Variants in EP400 observed in about 807,000 individuals in gnomAD.
EP400 encodes E1A-binding protein p400.
EP400 carries 105 observed loss-of-function variants against 354.1 expected under a neutral mutation model. That is an observed-to-expected ratio of 0.30 (90% confidence interval 0.25 to 0.35). The LOEUF is 0.35. Among genes scored for constraint, EP400 ranks in the 10% least tolerant of loss-of-function variants. The pLI, the probability that EP400 is intolerant of heterozygous loss-of-function variation, is 1.00. For missense variants in EP400, 3,280 were observed against 4,121.0 expected (o/e 0.80, Z 5.59); for synonymous variants, 1,646 against 1,716.9 (o/e 0.96, Z 1.02).
In EP400 at chr12:132,025,565, G is replaced by T; in HGVS notation, c.4856-81G>T. On this transcript the variant is annotated intron_variant, in intron 24 of 52. Transcript: ENST00000389561. This position sits in a 1 kb window ranked among gnomAD's most constrained non-coding sequence, Gnocchi z 4.1. ...ATTTTCAGTTTGTCAACTTATTTTT[G>T]TACTGTTTGGAAGTGCCTGGAGTGT... The T allele has an allele frequency of 1.5e-6, 2 of 1,371,734 alleles. No individual in the cohort carries two copies. The highest frequency in any genetic ancestry group is 1.7e-5 in the South Asian group (1 of 59,744). 85.0% of individuals were successfully genotyped at this position (1,371,734 alleles called of 1,614,324 possible).
chr12:132,006,558 A>G (rs1593341543), intron 14 of EP400, 142 bp from the exon 15 acceptor site: 1 of 977,948 alleles, frequency 1.0e-6, no homozygotes. Flanking sequence ...AAAAGAAGCA[A>G]TTCTTCCTCT....
rs190239981 is a variant in EP400 at position 132,018,790 on chromosome 12, C to T, written c.4277+414C>T. Among the ~76,000 whole-genome samples, 4 of 152,196 alleles carry T rather than the reference C, an allele frequency of 2.6e-5. No individual in the cohort carries two copies. The highest frequency in any genetic ancestry group is 4.8e-5 in the African/African-American group (2 of 41,534). On this transcript the variant is annotated intron_variant, in intron 21 of 52. Coordinates refer to ENST00000389561, the MANE Select transcript of EP400 (RefSeq NM_015409.5). The surrounding 1 kb of genome is among the most constrained non-coding windows in gnomAD (Gnocchi z 4.0). ...GAGTGATTCTGAAGTGATGCTTTTG[C>T]GGGTGTCATGAGGCTGGGAGGGACA...
chr12:132,064,614 TAA>T, intron 47 of EP400, 52 bp from the exon 48 acceptor site: 20 of 1,580,194 alleles, frequency 1.3e-5, no homozygotes, highest in Non-Finnish European at 1.7e-5. Context: ...GATGTCTACT[TAA>T]AGAATGGAGC....
At chr12:132,019,064 C>A (rs1014114818) in intron 21 of EP400, among the ~76,000 whole-genome samples, 1 of 152,198 alleles carries the variant, frequency 6.6e-6, no homozygotes, top group South Asian at 2.1e-4. Flanking sequence ...GTCCCCTCAT[C>A]AGTACCAGAG....
chr12:132,041,088 C>T (rs760611930), intron 32 of EP400, among the ~76,000 whole-genome samples: 16 of 152,148 alleles, frequency 1.1e-4, no homozygotes, highest in Admixed American at 2.0e-4. Context: ...CTGGCTTGAC[C>T]GGCCCCTGGG....
chr12:132,072,681 G>A (rs1896100316), intron 51 of EP400, among the ~76,000 whole-genome samples: 1 of 152,176 alleles, frequency 6.6e-6, no homozygotes, highest in African/African-American at 2.4e-5. Context: ...AGTTTACTGT[G>A]TGTGTCATTT....
chr12:132,020,631 T>C (rs1158196214), intron 22 of EP400, among the ~76,000 whole-genome samples: 1 of 152,252 alleles, frequency 6.6e-6, no homozygotes, highest in Non-Finnish European at 1.5e-5. Context: ...TTAAAAGTAG[T>C]ATTTCACCAC....
rs1310287325 is a variant in EP400 at position 132,078,603 on chromosome 12, A to G, written c.*930A>G. 1 of 152,310 alleles carries G rather than the reference A, an allele frequency of 6.6e-6. No individual in the cohort carries two copies. Among genetic ancestry groups the G allele is most frequent in the African/African-American group, 2.4e-5 (1 of 41,484 alleles). The allele number at this position is 152,310 out of a possible 1,614,324, so 9.4% of individuals were successfully genotyped here. A position where few individuals can be genotyped will look rare whatever the true frequency, so the allele number is the denominator to read the frequency against. On this transcript the variant is annotated 3_prime_UTR_variant, in exon 53 of 53. Transcript: ENST00000389561. ...AGATGTCACAGCTGAGGGTACGATG[A>G]GGCCTGGGCTCAGTGAGCCAGGACG...
chr12:132,044,596 G>T, intron 35 of EP400, 75 bp from the exon 36 acceptor site: 1 of 1,551,662 alleles, frequency 6.4e-7, no homozygotes, highest in South Asian at 1.1e-5. Flanking sequence ...TAATGAGTAT[G>T]AAGGTACATG....
At chr12:132,010,680 G>A (rs1483526656) in intron 15 of EP400, among the ~76,000 whole-genome samples, 1 of 152,164 alleles carries the variant, frequency 6.6e-6, no homozygotes, top group African/African-American at 2.4e-5. Context: ...GGTGGCTCAT[G>A]CCTCTAATCC....
At chr12:132,069,786 G>C in intron 51 of EP400, 145 bp downstream of exon 51, 1 of 1,263,182 alleles carries the variant, frequency 7.9e-7, no homozygotes, top group South Asian at 1.5e-5. Context: ...CCTGGCCTCA[G>C]GTTTCAACCC....
At position 132,027,890 on chromosome 12, in the gene EP400, C is replaced by T. The variant is rs1894361141; in HGVS notation, c.5110-127C>T. ...TCATTTCTATCTCTATTTCCTGTAACACAAGACCGGGGATATTGAAGTGGA... is the reference window on the plus strand; with the variant it reads ...TCATTTCTATCTCTATTTCCTGTAATACAAGACCGGGGATATTGAAGTGGA... On this transcript the variant is annotated intron_variant, in intron 26 of 52. Transcript: ENST00000389561. This position sits in a 1 kb window ranked among gnomAD's most constrained non-coding sequence, Gnocchi z 4.9. 1 of 1,015,098 alleles carries T rather than the reference C, an allele frequency of 9.9e-7. No individual in the cohort carries two copies. The highest frequency in any genetic ancestry group is 1.7e-5 in the South Asian group (1 of 60,100). The allele number at this position is 1,015,098 out of a possible 1,614,324, so 62.9% of individuals were successfully genotyped here. A position where few individuals can be genotyped will look rare whatever the true frequency, so the allele number is the denominator to read the frequency against.
intron 50 of EP400, chr12:132,068,500 T>G (rs1340623548): frequency 6.6e-6 from 1 of 152,306 alleles, no homozygotes; most frequent in Non-Finnish European, 1.5e-5. Context: ...AGAAGACCAG[T>G]GCCCAGGGGC....
intron 41 of EP400, among the ~76,000 whole-genome samples, chr12:132,051,738 A>G (rs548680136): frequency 6.6e-6 from 1 of 152,214 alleles, no homozygotes; most frequent in African/African-American, 2.4e-5. Context: ...CCTCCGGATA[A>G]CTGCGGGCGG....
intron 32 of EP400, among the ~76,000 whole-genome samples, chr12:132,040,802 G>A (rs1565925689): frequency 6.6e-6 from 1 of 152,134 alleles, no homozygotes; most frequent in Non-Finnish European, 1.5e-5. Flanking sequence ...ACCAGGTGAG[G>A]CCTGACTGTA....
At position 132,030,167 on chromosome 12, in the gene EP400, C is replaced by T. The variant is rs1199291319; in HGVS notation, c.5754+9C>T. The T allele has an allele frequency of 1.2e-6, 2 of 1,613,866 alleles. No individual in the cohort carries two copies. Among genetic ancestry groups the T allele is most frequent in the East Asian group, 4.5e-5 (2 of 44,886 alleles). On this transcript the variant is annotated intron_variant, in intron 29 of 52. Transcript: ENST00000389561. ...GCAGTGAGCAACGGCAGGTGAGAAG[C>T]ACATTGTTTACATTGTCTCTGATGG...
In EP400 at chr12:132,044,790, C is replaced by T. The variant is rs780531187; in HGVS notation, c.6631-10C>T. The T allele has an allele frequency of 2.4e-5, 38 of 1,614,014 alleles. No homozygotes were observed. Among genetic ancestry groups the T allele is most frequent in the Non-Finnish European group, 2.8e-5 (33 of 1,180,026 alleles). On this transcript the variant is annotated splice_polypyrimidine_tract_variant and intron_variant, in intron 36 of 52. Coordinates refer to ENST00000389561, the MANE Select transcript of EP400 (RefSeq NM_015409.5). The stretch of plus-strand genomic sequence containing the variant: ...TTCCACATCTCATGGGCCTTCCCTT[C>T]TCCATGCAGCTCTGGACCCCACCCA...
At chr12:131,952,087 C>CT (rs898257726) in intron 1 of EP400, among the ~76,000 whole-genome samples, 78 of 150,320 alleles carry the variant, frequency 5.2e-4, no homozygotes, top group Non-Finnish European at 5.6e-4. Context: ...TGCACCTGGC[C>CT]TTTTTTTTTG....
rs117865379 is a variant in EP400, at chr12:132,025,351, C to T, written c.4856-295C>T. 7.1e-3 allele frequency among the ~76,000 whole-genome samples: 1,083 copies of T among 152,264 alleles called. 35 individuals are homozygous for T. In the South Asian group the frequency reaches 0.093, roughly 13 times the overall value. On this transcript the variant is annotated intron_variant, in intron 24 of 52. Transcript: ENST00000389561. The surrounding 1 kb of genome is among the most constrained non-coding windows in gnomAD (Gnocchi z 4.1). The stretch of plus-strand genomic sequence containing the variant: ...AGTGGGGATGTCCGCCTCAGTACCT[C>T]GAACAGCATGGCAGGTCCTCAGCAG...
Sources: allele counts gnomAD v4.1 joint callset (sites outside exome capture counted in the v4.1 genomes callset), GRCh38; gene constraint gnomAD v4.1.1; non-coding constraint Gnocchi (gnomAD v3.1); transcripts MANE v1.5; gene names NCBI Gene and HGNC (gene_info 2026-07-23, HGNC 2026-07-21).